Variants in RNF169 observed in about 807,000 individuals in gnomAD.
RNF169 encodes the protein E3 ubiquitin-protein ligase RNF169.
Under a neutral mutation model 53.9 loss-of-function variants are expected in RNF169, and 24 were observed. The observed-to-expected ratio is 0.45, with a 90% CI of 0.32 to 0.63. The LOEUF is 0.63. RNF169 is among the 20% of genes least tolerant of loss of function. The pLI, the probability that RNF169 is intolerant of heterozygous loss-of-function variation, is 0.04. For synonymous variants in RNF169, 396 were observed against 363.5 expected, an observed-to-expected ratio of 1.09 and a Z score of -1.02; for missense variants, 883 against 906.2, an observed-to-expected ratio of 0.97 and a Z score of 0.33.
At chr11:74,769,814 CCAA>C (rs2035233473) in intron 1 of RNF169, among the ~76,000 whole-genome samples, 1 of 152,154 alleles carries the variant, frequency 6.6e-6, no homozygotes, top group African/African-American at 2.4e-5. Flanking sequence ...CTTGTACCCC[CCAA>C]CAAGGTCTCC....
At chr11:74,789,463 G>A (rs1177377127) in intron 1 of RNF169, among the ~76,000 whole-genome samples, 163 bp from the exon 2 acceptor site, 1 of 152,176 alleles carries the variant, frequency 6.6e-6, no homozygotes, top group Non-Finnish European at 1.5e-5. Context: ...AGACAGAAGT[G>A]TATACTTTCC....
Position 74,841,476 on chromosome 11 carries a change from A to C in RNF169, c.*4746A>C, listed in dbSNP as rs548180108. ...AGTTTAGAGATCAGTCAAATTGGAA[A>C]AAGTGCCAAGACTGGATGTGCAGAT... On this transcript the variant is annotated 3_prime_UTR_variant, in exon 6 of 6. Coordinates refer to ENST00000299563, the MANE Select transcript of RNF169 (RefSeq NM_001098638.2). 6.6e-5 allele frequency: 10 copies of C among 152,338 alleles called. No individual in the cohort carries two copies. The highest frequency in any genetic ancestry group is 2.4e-4 in the African/African-American group (10 of 41,582). 9.4% of individuals were successfully genotyped at this position (152,338 alleles called of 1,614,324 possible).
At chr11:74,755,293 G>A (rs961639061) in intron 1 of RNF169, among the ~76,000 whole-genome samples, 1 of 152,210 alleles carries the variant, frequency 6.6e-6, no homozygotes, top group African/African-American at 2.4e-5. Flanking sequence ...TAGCTCCAAT[G>A]TATGAATTCA....
Position 74,839,898 on chromosome 11 carries a change from G to A in RNF169, c.*3168G>A, listed in dbSNP as rs1470200195. The A allele has an allele frequency of 2.0e-5, 3 of 152,042 alleles. No individual in the cohort carries two copies. The highest frequency in any genetic ancestry group is 7.3e-5 in the African/African-American group (3 of 41,364). The allele number at this position is 152,042 out of a possible 1,614,324, so 9.4% of individuals were successfully genotyped here. A position where few individuals can be genotyped will look rare whatever the true frequency, so the allele number is the denominator to read the frequency against. ...TTTTAAAAAAGGTTAAGTCTTCTTG[G>A]GTGAGGCTTGCCAGGGAAACTCCTA... On this transcript the variant is annotated 3_prime_UTR_variant, in exon 6 of 6. Coordinates refer to ENST00000299563, the MANE Select transcript of RNF169 (RefSeq NM_001098638.2).
intron 2 of RNF169, among the ~76,000 whole-genome samples, chr11:74,797,506 ATC>A (rs1438020966): frequency 2.0e-5 from 3 of 152,288 alleles, no homozygotes; most frequent in Admixed American, 1.3e-4. Context: ...TTCAAGATAG[ATC>A]TGTTTGTTTT....
At chr11:74,799,976 G>T (rs1051452789) in intron 2 of RNF169, among the ~76,000 whole-genome samples, 2 of 149,538 alleles carry the variant, frequency 1.3e-5, no homozygotes, top group Non-Finnish European at 3.0e-5. Flanking sequence ...TTAGCATCTC[G>T]TATGAAGTTT....
At chr11:74,793,933 T>G (rs2035612928) in intron 2 of RNF169, among the ~76,000 whole-genome samples, 2 of 152,192 alleles carry the variant, frequency 1.3e-5, no homozygotes, top group Admixed American at 1.3e-4. Context: ...TATGCTTACT[T>G]ATGCATGCAG....
rs1308311303 is a variant in RNF169, at chr11:74,840,868, A to C, written c.*4138A>C. On this transcript the variant is annotated 3_prime_UTR_variant, in exon 6 of 6. Coordinates refer to ENST00000299563, the MANE Select transcript of RNF169 (RefSeq NM_001098638.2). ...TAGTGTGGTTTTCCAGGGTCTGAAT[A>C]AATAATCATTAAAGTTTGACACACG... 1 of 150,820 alleles carries C rather than the reference A, an allele frequency of 6.6e-6. No individual in the cohort carries two copies. The highest frequency in any genetic ancestry group is 1.5e-5 in the Non-Finnish European group (1 of 67,890). 9.3% of individuals were successfully genotyped at this position (150,820 alleles called of 1,614,324 possible).
intron 3 of RNF169, among the ~76,000 whole-genome samples, chr11:74,817,166 T>C (rs1181022535): frequency 6.6e-6 from 1 of 152,222 alleles, no homozygotes; most frequent in South Asian, 2.1e-4. Context: ...TATCCATGTA[T>C]TAACCCTGTA....
intron 2 of RNF169, among the ~76,000 whole-genome samples, chr11:74,797,848 A>G (rs1215749745): frequency 1.3e-5 from 2 of 152,238 alleles, no homozygotes; most frequent in Admixed American, 6.5e-5. Context: ...GGCTGAAGCC[A>G]TGGCAGAAGA....
intron 1 of RNF169, among the ~76,000 whole-genome samples, chr11:74,766,540 T>C (rs766623576): frequency 6.6e-6 from 1 of 152,254 alleles, no homozygotes; most frequent in African/African-American, 2.4e-5. Flanking sequence ...TTTAAAATAA[T>C]CCTTCTCTTA....
intron 2 of RNF169, among the ~76,000 whole-genome samples, chr11:74,801,614 A>G (rs2035730282): frequency 6.6e-6 from 1 of 152,224 alleles, no homozygotes; most frequent in African/African-American, 2.4e-5. Flanking sequence ...AAAAAGCTCT[A>G]GATATCAACA....
intron 1 of RNF169, among the ~76,000 whole-genome samples, chr11:74,781,156 C>T (rs1316023383): frequency 6.6e-6 from 1 of 152,250 alleles, no homozygotes; most frequent in African/African-American, 2.4e-5. Flanking sequence ...TCGGGAAACA[C>T]TGATCTCAGT....
intron 1 of RNF169, among the ~76,000 whole-genome samples, chr11:74,775,724 TCTCA>T (rs2035324005): frequency 6.6e-6 from 1 of 152,192 alleles, no homozygotes; most frequent in Non-Finnish European, 1.5e-5. Flanking sequence ...TAAAATGTTT[TCTCA>T]CTCAAATGTG....
intron 2 of RNF169, chr11:74,807,781 C>T (rs966530459): frequency 6.6e-6 from 1 of 152,166 alleles, no homozygotes; most frequent in African/African-American, 2.4e-5. Context: ...GCTACTTTCT[C>T]ACCCTCCCTT....
chr11:74,823,250 T>C (rs549417471), intron 4 of RNF169, among the ~76,000 whole-genome samples: 46 of 152,338 alleles, frequency 3.0e-4, no homozygotes, highest in African/African-American at 1.0e-3. Context: ...TCTTGCTTTA[T>C]AATTTAAATA....
chr11:74,804,816 A>T lies in RNF169; in HGVS notation c.577-5368A>T, dbSNP rs1011565361. Among the ~76,000 whole-genome samples, 10 of 152,202 alleles carry T rather than the reference A, an allele frequency of 6.6e-5. No individual in the cohort carries two copies. In the East Asian group the frequency reaches 1.9e-3, roughly 29 times the overall value. The stretch of plus-strand genomic sequence containing the variant: ...GACGACGTTAAGAAATGTGTATCTA[A>T]CAATGGACTTATATCCAGAATATAT... On this transcript the variant is annotated intron_variant, in intron 2 of 5. Coordinates refer to ENST00000299563, the MANE Select transcript of RNF169 (RefSeq NM_001098638.2).
At chr11:74,815,969 G>A (rs2035937113) in intron 3 of RNF169, among the ~76,000 whole-genome samples, 3 of 152,136 alleles carry the variant, frequency 2.0e-5, no homozygotes, top group Admixed American at 1.3e-4. Flanking sequence ...ATAATGGGTT[G>A]GTGCTATTAA....
intron 2 of RNF169, among the ~76,000 whole-genome samples, chr11:74,801,382 C>G (rs1049743542): frequency 6.6e-6 from 1 of 152,166 alleles, no homozygotes; most frequent in Non-Finnish European, 1.5e-5. Context: ...GAAGCCGTAG[C>G]TGTTAGTGCC....
Sources: gnomAD v4.1 joint callset for allele counts (sites outside exome capture counted in the v4.1 genomes callset) on GRCh38, gnomAD v4.1.1 for gene constraint, MANE v1.5 for transcripts, NCBI Gene and HGNC (gene_info 2026-07-23, HGNC 2026-07-21) for gene names.